CFAP299: variants seen among roughly 807,000 people sequenced by gnomAD.
The protein encoded by CFAP299 is cilia- and flagella-associated protein 299.
A neutral mutation model predicts 27.0 loss-of-function variants in CFAP299; 21 were observed. The observed-to-expected ratio is 0.78, with a 90% CI of 0.55 to 1.12. The LOEUF (loss-of-function observed/expected upper bound fraction) is 1.12, where lower values mean the gene tolerates loss of function less well. Ranked by LOEUF, CFAP299 falls within the 50% of genes most tolerant of loss-of-function variation. The probability of loss-of-function intolerance (pLI) is 0.00; values close to 1 mark genes in which losing one functional copy is unlikely to be tolerated. For synonymous variants in CFAP299, 104 were observed against 98.1 expected (o/e 1.06, Z -0.36); for missense variants, 310 against 276.6 (o/e 1.12, Z -0.86).
intron 2 of CFAP299, among the ~76,000 whole-genome samples, chr4:80,477,236 A>G (rs928947506): frequency 2.0e-5 from 3 of 151,812 alleles, no homozygotes; most frequent in African/African-American, 7.3e-5. Flanking sequence ...TAATTTTTGT[A>G]TTTTTTGTAG....
At chr4:80,448,367 T>C (rs1363012381) in intron 2 of CFAP299, among the ~76,000 whole-genome samples, 1 of 152,228 alleles carries the variant, frequency 6.6e-6, no homozygotes, top group Non-Finnish European at 1.5e-5. Flanking sequence ...ATTTATACAA[T>C]AGTAAGTTTG....
At chr4:80,390,778 C>CACACATATGTATATATGTAT (rs1560543679) in intron 2 of CFAP299, among the ~76,000 whole-genome samples, 2 of 101,658 alleles carry the variant, frequency 2.0e-5, no homozygotes, top group African/African-American at 6.7e-5. Flanking sequence ...TGTATATATA[C>CACACATATGTATATATGTAT]ATATACACAT....
intron 3 of CFAP299, among the ~76,000 whole-genome samples, chr4:80,809,306 C>G (rs1005696472): frequency 6.6e-6 from 1 of 152,094 alleles, no homozygotes; most frequent in Non-Finnish European, 1.5e-5. Context: ...ATAGCTAAAT[C>G]CTTCGGGTGG....
intron 3 of CFAP299, among the ~76,000 whole-genome samples, chr4:80,770,489 A>G (rs2110083447): frequency 6.6e-6 from 1 of 152,286 alleles, no homozygotes; most frequent in Non-Finnish European, 1.5e-5. Context: ...CCATTACATA[A>G]CAGAGGTCAT....
chr4:80,383,736 TTTCA>T (rs1193471435), intron 2 of CFAP299, among the ~76,000 whole-genome samples: 1 of 152,214 alleles, frequency 6.6e-6, no homozygotes, highest in African/African-American at 2.4e-5. Context: ...AAAGTTTATC[TTTCA>T]TTATTATTTG....
chr4:80,470,399 T>G (rs1249049784), intron 2 of CFAP299, among the ~76,000 whole-genome samples: 2 of 152,168 alleles, frequency 1.3e-5, no homozygotes, highest in Non-Finnish European at 2.9e-5. Context: ...GGTTTCAAAA[T>G]ACAGTCTAGG....
At chr4:80,593,526 G>C (rs2109889320) in intron 3 of CFAP299, among the ~76,000 whole-genome samples, 1 of 152,252 alleles carries the variant, frequency 6.6e-6, no homozygotes, top group East Asian at 1.9e-4. Flanking sequence ...GTTATTTATA[G>C]TATCCCCTTA....
chr4:80,780,303 A>C (rs1257170359), intron 3 of CFAP299, among the ~76,000 whole-genome samples: 1 of 152,054 alleles, frequency 6.6e-6, no homozygotes, highest in East Asian at 1.9e-4. Flanking sequence ...ACTTTATTGG[A>C]ATTTATTGCT....
intron 3 of CFAP299, among the ~76,000 whole-genome samples, chr4:80,782,283 G>A (rs1160029395): frequency 1.3e-5 from 2 of 151,846 alleles, no homozygotes. Context: ...GAACAAAAAT[G>A]GAGGAGAGCA....
intron 5 of CFAP299, among the ~76,000 whole-genome samples, chr4:80,946,453 A>C (rs1737483129): frequency 6.6e-6 from 1 of 152,192 alleles, no homozygotes; most frequent in African/African-American, 2.4e-5. Context: ...CCAAAAAGCT[A>C]CTGCACAAAC....
At chr4:80,729,115 T>A (rs1723337752) in intron 3 of CFAP299, among the ~76,000 whole-genome samples, 1 of 152,224 alleles carries the variant, frequency 6.6e-6, no homozygotes, top group African/African-American at 2.4e-5. Context: ...TCAAGAAGGC[T>A]TCATAGATTC....
At chr4:80,461,666 G>T (rs1215853873) in intron 2 of CFAP299, among the ~76,000 whole-genome samples, 11 of 152,132 alleles carry the variant, frequency 7.2e-5, no homozygotes, top group Admixed American at 7.2e-4. Flanking sequence ...TTGGCTAAGG[G>T]AGTGGTCCAT....
At chr4:80,730,306 T>C (rs1231992116) in intron 3 of CFAP299, among the ~76,000 whole-genome samples, 1 of 136,374 alleles carries the variant, frequency 7.3e-6, no homozygotes, top group Non-Finnish European at 1.5e-5. Context: ...GTGTATGACC[T>C]GACCTCCGGG....
intron 3 of CFAP299, among the ~76,000 whole-genome samples, chr4:80,680,083 G>A (rs896538167): frequency 6.6e-6 from 1 of 151,912 alleles, no homozygotes; most frequent in African/African-American, 2.4e-5. Flanking sequence ...CAATTGTCAG[G>A]TGGTGATATA....
chr4:80,870,332 G>C (rs1733008651), intron 4 of CFAP299, 197 bp downstream of exon 4: 1 of 1,240,214 alleles, frequency 8.1e-7, no homozygotes, highest in Admixed American at 4.0e-5. Context: ...CTGAGAAAAA[G>C]GATTCTTCAG....
At chr4:80,561,726 A>G (rs1034081156) in intron 2 of CFAP299, among the ~76,000 whole-genome samples, 3 of 151,988 alleles carry the variant, frequency 2.0e-5, no homozygotes, top group African/African-American at 7.2e-5. Flanking sequence ...AGAAATAGAG[A>G]GCTTTGAAGA....
intron 3 of CFAP299, among the ~76,000 whole-genome samples, chr4:80,662,586 A>G (rs780097500): frequency 6.6e-6 from 1 of 152,202 alleles, no homozygotes; most frequent in Non-Finnish European, 1.5e-5. Flanking sequence ...TGGGGGTTCT[A>G]TAGTTAAGTA....
At chr4:80,568,456 G>A (rs1304688438) in intron 2 of CFAP299, among the ~76,000 whole-genome samples, 2 of 151,854 alleles carry the variant, frequency 1.3e-5, no homozygotes, top group East Asian at 3.9e-4. Flanking sequence ...TTACTTTCAA[G>A]AAAACTAAAA....
intron 2 of CFAP299, among the ~76,000 whole-genome samples, chr4:80,532,262 A>AT (rs1373818220): frequency 6.6e-6 from 1 of 152,080 alleles, no homozygotes; most frequent in Non-Finnish European, 1.5e-5. Context: ...TATTTTTTCT[A>AT]TTTTTTAAAT....
Sources: gnomAD v4.1 joint callset for allele counts (sites outside exome capture counted in the v4.1 genomes callset) on GRCh38, gnomAD v4.1.1 for gene constraint, MANE v1.5 for transcripts, NCBI Gene and HGNC (gene_info 2026-07-23, HGNC 2026-07-21) for gene names.